Variants in EIF1AY observed in about 807,000 individuals in gnomAD.
EIF1AY encodes the protein eukaryotic translation initiation factor 1A, Y-chromosomal.
For missense variants in EIF1AY, 19 were observed against 30.6 expected, an observed-to-expected ratio of 0.62 and a Z score of 0.89; for synonymous variants, 16 against 9.9, an observed-to-expected ratio of 1.62 and a Z score of -1.16.
At chrY:20,580,363 T>G in intron 2 of EIF1AY, among the ~76,000 whole-genome samples, 1 of 33,692 alleles carries the variant, frequency 3.0e-5, no homozygotes, top group African/African-American at 1.2e-4. Context: ...CCTCAAAACC[T>G]TTTTGAACCA....
At chrY:20,583,053 T>G (rs9341316) in intron 3 of EIF1AY, among the ~76,000 whole-genome samples, 3 of 33,330 alleles carry the variant, frequency 9.0e-5, no homozygotes, top group African/African-American at 3.5e-4. Flanking sequence ...TCGGTGCATA[T>G]CCCTTTGTTA....
At chrY:20,583,446 A>C in intron 3 of EIF1AY, among the ~76,000 whole-genome samples, 2 of 32,896 alleles carry the variant, frequency 6.1e-5, no homozygotes, top group African/African-American at 2.4e-4. Flanking sequence ...CATTTTAGGG[A>C]TTCTCTTAGT....
intron 6 of EIF1AY, 103 bp downstream of exon 6, chrY:20,589,678 C>T: frequency 5.2e-6 from 1 of 193,250 alleles, no homozygotes; most frequent in Non-Finnish European, 8.5e-6. Flanking sequence ...ATTTTAGCTT[C>T]GGCAGTAGGC....
intron 2 of EIF1AY, among the ~76,000 whole-genome samples, chrY:20,580,881 T>G (rs2089350203): frequency 2.9e-5 from 1 of 34,164 alleles, no homozygotes; most frequent in Admixed American, 2.7e-4. Flanking sequence ...CTATGTAGAT[T>G]AATTTAACTT....
At chrY:20,588,943 G>C in intron 5 of EIF1AY, 1 of 33,388 alleles carries the variant, frequency 3.0e-5, no homozygotes, top group African/African-American at 1.2e-4. Context: ...TTAAATAATT[G>C]GTTAACTAGT....
chrY:20,589,345 T>C, intron 5 of EIF1AY, 139 bp from the exon 6 acceptor site: 3 of 147,450 alleles, frequency 2.0e-5, no homozygotes, highest in Non-Finnish European at 3.8e-5. Flanking sequence ...TATTTTTTTA[T>C]TTTTAGTAGA....
At position 20,582,626 on chromosome Y, in the gene EIF1AY, G is replaced by A. The variant is rs370005570; in HGVS notation, c.137G>A (p.Arg46Gln). ...GTAATCAAAATGTTGGGAAATGGAC[G>A]ATTGGAAGCATTGTGTTTTGATGGT... ...AQVIKMLGNGRLEALCFDGVK... is the reference protein window; with the variant it reads ...AQVIKMLGNGQLEALCFDGVK... Residue 46 changes from arginine to glutamine, a missense_variant, in exon 3 of 7, where the codon CGA becomes CAA. Coordinates refer to ENST00000361365, the MANE Select transcript of EIF1AY (RefSeq NM_004681.4). The A allele has an allele frequency of 2.5e-6, 1 of 397,378 alleles. No homozygotes were observed. Among genetic ancestry groups the A allele is most frequent in the Non-Finnish European group, 3.5e-6 (1 of 282,541 alleles).
chrY:20,582,642 T>C lies in EIF1AY; in HGVS notation c.153T>C (p.Cys51=). Residue 51 remains cysteine (C), a synonymous_variant, in exon 3 of 7, where the codon TGT becomes TGC. Transcript: ENST00000361365. ...GAAATGGACGATTGGAAGCATTGTG[T>C]TTTGATGGTGTAAAGAGGTTATGCC... ...MLGNGRLEAL[C]FDGVKRLCHI... 3 of 397,564 alleles carry C rather than the reference T, an allele frequency of 7.5e-6. No individual in the cohort carries two copies. The highest frequency in any genetic ancestry group is 7.1e-6 in the Non-Finnish European group (2 of 282,689).
intron 4 of EIF1AY, chrY:20,587,139 A>C: frequency 3.0e-5 from 1 of 33,406 alleles, no homozygotes; most frequent in African/African-American, 1.2e-4. Context: ...TTTTAAAAAT[A>C]TGCATTCATG....
At chrY:20,582,352 A>G (rs2089351223) in intron 2 of EIF1AY, among the ~76,000 whole-genome samples, 1 of 32,296 alleles carries the variant, frequency 3.1e-5, no homozygotes, top group Non-Finnish European at 7.5e-5. Context: ...CTGGGATTAC[A>G]GGCATCGGGC....
chrY:20,583,432 GT>G (rs2089352509), intron 3 of EIF1AY, among the ~76,000 whole-genome samples: 8 of 32,596 alleles, frequency 2.5e-4, no homozygotes, highest in African/African-American at 9.6e-4. Flanking sequence ...TTCCAAATTA[GT>G]GGCATTTTAG....
At chrY:20,584,093 C>T (rs781039221) in intron 3 of EIF1AY, among the ~76,000 whole-genome samples, 5 of 32,565 alleles carry the variant, frequency 1.5e-4, no homozygotes, top group Admixed American at 8.5e-4. Flanking sequence ...CAGGGTCTCA[C>T]GCTGTTGTGT....
intron 5 of EIF1AY, chrY:20,589,282 C>T (rs2089357003): frequency 8.9e-6 from 1 of 112,108 alleles, no homozygotes; most frequent in African/African-American, 9.7e-5. Context: ...CCTGCCTCAC[C>T]CTCTGCACCC....
At chrY:20,584,568 G>T (rs755387941) in intron 4 of EIF1AY, 44 bp downstream of exon 4, 1 of 210,858 alleles carries the variant, frequency 4.7e-6, no homozygotes. Context: ...TGTTTAAGCA[G>T]TTGTTAATGT....
rs2089348196 is a variant in EIF1AY at position 20,578,364 on chromosome Y, T to C, written c.17-1244T>C. The stretch of plus-strand genomic sequence containing the variant: ...TCCCCACCTTTGAGATTGCTAAAGT[T>C]GTCATTCTTTTGGAAATTTATGAGC... On this transcript the variant is annotated intron_variant, in intron 1 of 6. Transcript: ENST00000361365. Among the ~76,000 whole-genome samples the C allele has an allele frequency of 1.2e-4, 4 of 33,534 alleles. No individual in the cohort carries two copies. The East Asian group carries it at 3.1e-3, about 26-fold the overall frequency. 90.0% of individuals were successfully genotyped at this position (33,534 alleles called of 37,273 possible).
chrY:20,579,215 G>T, intron 1 of EIF1AY, among the ~76,000 whole-genome samples: 2 of 33,611 alleles, frequency 6.0e-5, no homozygotes, highest in Non-Finnish European at 1.5e-4. Context: ...AGAAGAAAAT[G>T]AATGAAGTCC....
At chrY:20,584,405 A>G in intron 3 of EIF1AY, 69 bp from the exon 4 acceptor site, 1 of 159,745 alleles carries the variant, frequency 6.3e-6, no homozygotes, top group Non-Finnish European at 1.0e-5. Context: ...TCTTGTGGGA[A>G]GATTCACTAA....
At chrY:20,576,533 TAGG>T (rs2089346917) in intron 1 of EIF1AY, among the ~76,000 whole-genome samples, 1 of 34,124 alleles carries the variant, frequency 2.9e-5, no homozygotes. Context: ...GCTTCTAAAG[TAGG>T]AGGTCTAACC....
At chrY:20,584,360 AT>A in intron 3 of EIF1AY, 113 bp from the exon 4 acceptor site, 2 of 106,019 alleles carry the variant, frequency 1.9e-5, no homozygotes, top group South Asian at 1.2e-4. Context: ...CATCTAATTA[AT>A]TTTTTTTTTC....
Sources: allele counts gnomAD v4.1 joint callset (sites outside exome capture counted in the v4.1 genomes callset), GRCh38; gene constraint gnomAD v4.1.1; transcripts MANE v1.5; gene names NCBI Gene and HGNC (gene_info 2026-07-23, HGNC 2026-07-21).